CCDC7: variants seen among roughly 807,000 people sequenced by gnomAD.
CCDC7 encodes the protein coiled-coil domain containing 7, also known as coiled-coil domain-containing protein 7.
In CCDC7, 183 loss-of-function variants were observed where a neutral mutation model predicts 196.9. That is an observed-to-expected ratio of 0.93 (90% confidence interval 0.82 to 1.05). CCDC7 has a LOEUF of 1.05. Ranked by LOEUF, CCDC7 falls within the 50% of genes least tolerant of loss-of-function variation. The probability of loss-of-function intolerance (pLI) is 0.00; values close to 1 mark genes in which losing one functional copy is unlikely to be tolerated. For synonymous variants in CCDC7, 525 were observed against 484.6 expected (o/e 1.08, Z -1.10); for missense variants, 1,540 against 1,482.2 (o/e 1.04, Z -0.64).
intron 19 of CCDC7, 53 bp from the exon 21 acceptor site, chr10:32,635,004 C>A (rs1242788233): frequency 1.5e-5 from 6 of 397,378 alleles, no homozygotes; most frequent in Non-Finnish European, 2.7e-5. Flanking sequence ...GGAAGTATTG[C>A]TGATTACTTG....
At chr10:32,486,433 G>A (rs1589077360) in intron 8 of CCDC7, among the ~76,000 whole-genome samples, 2 of 151,182 alleles carry the variant, frequency 1.3e-5, no homozygotes, top group African/African-American at 4.9e-5. Context: ...CACACTGATG[G>A]GTCTTGAGTC....
intron 40 of CCDC7, among the ~76,000 whole-genome samples, chr10:32,853,834 T>C (rs1452215410): frequency 6.6e-6 from 1 of 152,218 alleles, no homozygotes; most frequent in Non-Finnish European, 1.5e-5. Context: ...AAAAGGCTCA[T>C]TCTCTGACAT....
At chr10:32,794,219 T>TC (rs1230563471) in intron 29 of CCDC7, among the ~76,000 whole-genome samples, 1 of 152,200 alleles carries the variant, frequency 6.6e-6, no homozygotes, top group Admixed American at 6.5e-5. Context: ...GATAGTGGCC[T>TC]CTAGTTGCAT....
At chr10:32,586,903 C>T (rs1359541046) in intron 18 of CCDC7, among the ~76,000 whole-genome samples, 1 of 152,178 alleles carries the variant, frequency 6.6e-6, no homozygotes, top group Non-Finnish European at 1.5e-5. Flanking sequence ...ACAGGAGCAA[C>T]ACTCTTCTAT....
chr10:32,567,199 T>C (rs2056958880), intron 14 of CCDC7, among the ~76,000 whole-genome samples: 2 of 149,274 alleles, frequency 1.3e-5, no homozygotes, highest in Non-Finnish European at 3.0e-5. Context: ...TATATAGTCT[T>C]TTATATAAGT....
intron 22 of CCDC7, among the ~76,000 whole-genome samples, chr10:32,688,769 G>T (rs1378386898): frequency 6.6e-6 from 1 of 152,070 alleles, no homozygotes; most frequent in Non-Finnish European, 1.5e-5. Flanking sequence ...TCATTGTTTG[G>T]TCTATGTATA....
At chr10:32,716,758 A>G (rs2081648026) in intron 25 of CCDC7, among the ~76,000 whole-genome samples, 1 of 152,218 alleles carries the variant, frequency 6.6e-6, no homozygotes, top group Non-Finnish European at 1.5e-5. Context: ...CTAGTCTCTA[A>G]TAAAACAGAT....
At chr10:32,583,106 AT>A in exon 17 of CCDC7, 1 of 1,231,450 alleles carries the variant, frequency 8.1e-7, no homozygotes. Context: ...ATGAATCAGC[AT>A]TTTTAGAGAG....
At chr10:32,830,080 T>A (rs1324670430) in intron 32 of CCDC7, among the ~76,000 whole-genome samples, 1 of 114,296 alleles carries the variant, frequency 8.7e-6, no homozygotes, top group African/African-American at 2.7e-5. Context: ...GAGTTAATAC[T>A]TAATAAATAT....
At chr10:32,818,317 G>A (rs1350283737) in intron 31 of CCDC7, among the ~76,000 whole-genome samples, 1 of 151,882 alleles carries the variant, frequency 6.6e-6, no homozygotes, top group East Asian at 1.9e-4. Flanking sequence ...ACCCAATACA[G>A]GAGCACCCAG....
chr10:32,477,214 A>ATT (rs34848583), intron 8 of CCDC7, among the ~76,000 whole-genome samples: 51 of 147,630 alleles, frequency 3.5e-4, no homozygotes, highest in Admixed American at 1.1e-3. Flanking sequence ...TTTTGAGTTA[A>ATT]TTTTTTTTTT....
chr10:32,840,155 C>T (rs935104518), intron 33 of CCDC7, among the ~76,000 whole-genome samples: 1 of 151,836 alleles, frequency 6.6e-6, no homozygotes, highest in African/African-American at 2.4e-5. Context: ...TAACAAAGAT[C>T]AGAGCAGATC....
intron 8 of CCDC7, among the ~76,000 whole-genome samples, chr10:32,482,751 TG>T (rs2040221951): frequency 1.3e-5 from 2 of 152,288 alleles, no homozygotes; most frequent in South Asian, 4.2e-4. Context: ...ATGCGGTGTT[TG>T]GTTTTTTGTC....
chr10:32,453,798 C>G (rs1372080360), intron 2 of CCDC7, among the ~76,000 whole-genome samples: 1 of 152,178 alleles, frequency 6.6e-6, no homozygotes, highest in Non-Finnish European at 1.5e-5. Context: ...CAGCTGCTCA[C>G]AAAGTTTAAC....
chr10:32,481,230 A>T (rs2039908788), intron 8 of CCDC7, among the ~76,000 whole-genome samples: 1 of 152,150 alleles, frequency 6.6e-6, no homozygotes, highest in African/African-American at 2.4e-5. Context: ...AGTAAGCAGC[A>T]GGTAGTCTTG....
chr10:32,657,826 A>G (rs1055525593), intron 20 of CCDC7, among the ~76,000 whole-genome samples: 1 of 152,186 alleles, frequency 6.6e-6, no homozygotes, highest in Non-Finnish European at 1.5e-5. Context: ...CAAATTTTTC[A>G]AACTTTTATG....
intron 25 of CCDC7, among the ~76,000 whole-genome samples, chr10:32,712,658 A>G (rs1231900728): frequency 1.3e-5 from 2 of 152,196 alleles, no homozygotes; most frequent in African/African-American, 2.4e-5. Flanking sequence ...GTTTATTGTA[A>G]CCTATCCTAC....
At chr10:32,655,296 GA>G (rs2069587522) in intron 20 of CCDC7, among the ~76,000 whole-genome samples, 1 of 152,130 alleles carries the variant, frequency 6.6e-6, no homozygotes, top group Admixed American at 6.5e-5. Flanking sequence ...TCAGCCATTA[GA>G]AAATGTATTT....
intron 16 of CCDC7, among the ~76,000 whole-genome samples, chr10:32,578,649 G>A (rs1301832761): frequency 6.6e-6 from 1 of 151,958 alleles, no homozygotes; most frequent in African/African-American, 2.4e-5. Flanking sequence ...TGGAGCTCAG[G>A]TGGTAATGCA....
Sources: gnomAD v4.1 joint callset for allele counts (sites outside exome capture counted in the v4.1 genomes callset) on GRCh38, gnomAD v4.1.1 for gene constraint, MANE v1.5 for transcripts, NCBI Gene and HGNC (gene_info 2026-07-23, HGNC 2026-07-21) for gene names.